The following STK32C variants were observed in gnomAD, a reference collection of about 807,000 sequenced individuals.
STK32C encodes the protein serine/threonine kinase 32C.
In STK32C, 31 loss-of-function variants were observed where a neutral mutation model predicts 56.5. The observed-to-expected ratio is 0.55, with a 90% CI of 0.41 to 0.74. STK32C has a LOEUF of 0.74. STK32C is among the 30% of genes least tolerant of loss of function. STK32C has a pLI of 0.00. For synonymous variants in STK32C, 309 were observed against 289.4 expected, an observed-to-expected ratio of 1.07 and a Z score of -0.69; for missense variants, 544 against 676.9, an observed-to-expected ratio of 0.80 and a Z score of 2.18.
chr10:132,249,331 G>C (rs929437795), intron 1 of STK32C, among the ~76,000 whole-genome samples: 1 of 152,152 alleles, frequency 6.6e-6, no homozygotes, highest in African/African-American at 2.4e-5. Context: ...TGACAAGGAG[G>C]GCAGCCACAG....
chr10:132,299,039 G>A lies in STK32C; in HGVS notation c.262+8533C>T, dbSNP rs143404966. Among the ~76,000 whole-genome samples the A allele has an allele frequency of 3.0e-3, 451 of 152,262 alleles. 3 individuals carry two copies. Among genetic ancestry groups the A allele is most frequent in the African/African-American group, 0.01 (427 of 41,542 alleles). Reference sequence around the variant, plus strand: ...AACTGAGACCCCAGAACAAGACCCAGCAGCACAGACAGCTAATCCACCAGC... The same window carrying A: ...AACTGAGACCCCAGAACAAGACCCAACAGCACAGACAGCTAATCCACCAGC... On this transcript the variant is annotated intron_variant, in intron 1 of 11. Coordinates refer to ENST00000298630, the MANE Select transcript of STK32C (RefSeq NM_173575.4).
At chr10:132,223,112 C>T (rs941363299) in intron 8 of STK32C, 126 bp from the exon 9 acceptor site, 2 of 1,278,076 alleles carry the variant, frequency 1.6e-6, no homozygotes, top group South Asian at 1.5e-5. Context: ...ATTCAGGAAC[C>T]TCAGGGCCAC....
At chr10:132,295,907 C>T (rs546985284) in intron 1 of STK32C, among the ~76,000 whole-genome samples, 5 of 151,480 alleles carry the variant, frequency 3.3e-5, no homozygotes, top group East Asian at 1.9e-4. Flanking sequence ...TTCTGAATGA[C>T]GTATATAGAT....
chr10:132,218,157 A>AT (rs1432069118), intron 10 of STK32C, among the ~76,000 whole-genome samples: 2 of 151,926 alleles, frequency 1.3e-5, no homozygotes, highest in Non-Finnish European at 2.9e-5. Context: ...CTACAACAAA[A>AT]TTTTTTTCAA....
intron 4 of STK32C, among the ~76,000 whole-genome samples, chr10:132,226,340 GCTTC>G (rs2062888562): frequency 6.6e-6 from 1 of 152,166 alleles, no homozygotes; most frequent in Non-Finnish European, 1.5e-5. Flanking sequence ...TTCATAATCT[GCTTC>G]CTATTTTCTT....
At position 132,224,398 on chromosome 10, in the gene STK32C, G is replaced by A. The variant is rs1390104888; in HGVS notation, c.993+9C>T. 12 of 1,545,658 alleles carry A rather than the reference G, an allele frequency of 7.8e-6. No individual in the cohort carries two copies. The highest frequency in any genetic ancestry group is 1.2e-5 in the South Asian group (1 of 84,002). ...CGGAGGGTGAGGAGGCTCAGGGATG[G>A]GGGCTCACCTTCCGCAGCAAGGCCA... On this transcript the variant is annotated intron_variant, in intron 8 of 11. Transcript: ENST00000298630.
intron 4 of STK32C, among the ~76,000 whole-genome samples, chr10:132,226,315 C>T (rs1038070308): frequency 6.6e-6 from 1 of 152,268 alleles, no homozygotes; most frequent in East Asian, 1.9e-4. Context: ...ATTTCTGCTT[C>T]CCAATTTCAC....
At chr10:132,257,793 C>G (rs2064177157) in intron 1 of STK32C, among the ~76,000 whole-genome samples, 1 of 151,960 alleles carries the variant, frequency 6.6e-6, no homozygotes, top group African/African-American at 2.4e-5. Context: ...CCAAACACCC[C>G]CAGGGGACCC....
intron 1 of STK32C, among the ~76,000 whole-genome samples, chr10:132,300,630 C>A (rs569119770): frequency 6.6e-6 from 1 of 152,346 alleles, no homozygotes; most frequent in Non-Finnish European, 1.5e-5. Flanking sequence ...AAGTTCTGAT[C>A]TTTATCATCA....
At chr10:132,276,602 C>G (rs1313214772) in intron 1 of STK32C, among the ~76,000 whole-genome samples, 1 of 148,484 alleles carries the variant, frequency 6.7e-6, no homozygotes, top group Non-Finnish European at 1.5e-5. Flanking sequence ...GATAACACAG[C>G]AAGACCCCCA....
chr10:132,250,073 A>G (rs942992174), intron 1 of STK32C, among the ~76,000 whole-genome samples: 5 of 152,256 alleles, frequency 3.3e-5, no homozygotes, highest in Non-Finnish European at 5.9e-5. Flanking sequence ...CACAGTCACC[A>G]GGAGCCGGTG....
chr10:132,273,735 T>C (rs2064907715), intron 1 of STK32C, among the ~76,000 whole-genome samples: 1 of 152,120 alleles, frequency 6.6e-6, no homozygotes, highest in South Asian at 2.1e-4. Context: ...GGTGAGTGAA[T>C]GAATGCACAG....
At chr10:132,243,835 C>G (rs2137908666) in intron 2 of STK32C, among the ~76,000 whole-genome samples, 1 of 152,290 alleles carries the variant, frequency 6.6e-6, no homozygotes, top group Non-Finnish European at 1.5e-5. Context: ...AACGGGTGGG[C>G]TCCGGTGCTC....
chr10:132,216,467 C>A (rs1380621229), intron 10 of STK32C, among the ~76,000 whole-genome samples: 403 of 120,988 alleles, frequency 3.3e-3, no homozygotes, highest in African/African-American at 4.8e-3. Flanking sequence ...AAGACTGTCT[C>A]AAAAAAAAAA....
At chr10:132,294,841 C>A (rs545762792) in intron 1 of STK32C, among the ~76,000 whole-genome samples, 1 of 152,294 alleles carries the variant, frequency 6.6e-6, no homozygotes, top group African/African-American at 2.4e-5. Flanking sequence ...GAAGTCCTGA[C>A]CACGGAGACA....
At chr10:132,324,710 A>C (rs971191061) in intron 1 of STK32C, among the ~76,000 whole-genome samples, 2 of 152,264 alleles carry the variant, frequency 1.3e-5, no homozygotes, top group Non-Finnish European at 2.9e-5. Context: ...TTCTGAGCTA[A>C]ATATGAGTGA....
chr10:132,224,596 T>C (rs2062810847), intron 7 of STK32C, 73 bp from the exon 8 acceptor site: 3 of 1,162,070 alleles, frequency 2.6e-6, no homozygotes, highest in Non-Finnish European at 3.7e-6. Context: ...CAGACACAGG[T>C]GCCATCGCCC....
At chr10:132,317,892 C>A (rs142521045) in intron 1 of STK32C, among the ~76,000 whole-genome samples, 1 of 149,956 alleles carries the variant, frequency 6.7e-6, no homozygotes, top group East Asian at 2.0e-4. Flanking sequence ...GCAGGAGAAT[C>A]GCTTGAACCC....
chr10:132,212,224 G>A (rs913010585), intron 10 of STK32C, among the ~76,000 whole-genome samples: 3 of 152,210 alleles, frequency 2.0e-5, no homozygotes, highest in African/African-American at 7.2e-5. Flanking sequence ...CAGTTATCAA[G>A]ATGGTGCAGT....
Sources: gnomAD v4.1 joint callset for allele counts (sites outside exome capture counted in the v4.1 genomes callset) on GRCh38, gnomAD v4.1.1 for gene constraint, MANE v1.5 for transcripts, NCBI Gene and HGNC (gene_info 2026-07-23, HGNC 2026-07-21) for gene names.